VWDE: variants seen among roughly 807,000 people sequenced by gnomAD.
VWDE encodes von Willebrand factor D and EGF domains.
Under a neutral mutation model 178.4 loss-of-function variants are expected in VWDE, and 207 were observed. The observed-to-expected ratio is 1.16, with a 90% confidence interval of 1.04 to 1.30. The LOEUF is 1.30. Among genes scored for constraint, VWDE ranks in the 50% most tolerant of loss-of-function variants. The pLI is 0.00. For synonymous variants in VWDE, 738 were observed against 651.4 expected (o/e 1.13, Z -2.02); for missense variants, 2,287 against 1,901.3 (o/e 1.20, Z -3.77).
Position 12,356,250 on chromosome 7 carries a change from G to C in VWDE, c.3606C>G (p.Tyr1202Ter). 6.4e-7 allele frequency: 1 copy of C among 1,551,302 alleles called. No homozygotes were observed. The highest frequency in any genetic ancestry group is 1.4e-5 in the African/African-American group (1 of 73,002). The change falls in exon 18 of 29, where the codon TAC becomes TAG. Residue 1202 changes from tyrosine to a stop codon, truncating the protein, a stop_gained. Coordinates refer to ENST00000275358, the MANE Select transcript of VWDE (RefSeq NM_001135924.3). LOFTEE classifies it high-confidence loss of function. ...DRNFSPGSGV[Y>*]LCVCLPGFHG... The stretch of plus-strand genomic sequence containing the variant: ...GGAAGCCAGGCAAGCAGACACACAG[G>C]TACACTCCACTCCCTGGAGAAAAGT...
chr7:12,333,704 A>G, intron 27 of VWDE, 136 bp from the exon 28 acceptor site: 1 of 625,488 alleles, frequency 1.6e-6, no homozygotes. Flanking sequence ...ACCATCAATG[A>G]ATGGATCTAA....
At position 12,341,359 on chromosome 7, in the gene VWDE, C is replaced by T. The variant is rs112192989; in HGVS notation, c.4270+700G>A. ...GCCAAAGAAACAAGCTTACGCCGGG[C>T]GCAGTGGCTCACGCTTGTAATCCCA... On this transcript the variant is annotated intron_variant, in intron 23 of 28. Coordinates refer to ENST00000275358, the MANE Select transcript of VWDE (RefSeq NM_001135924.3). Among the ~76,000 whole-genome samples, 559 of 152,218 alleles carry T rather than the reference C, an allele frequency of 3.7e-3. 2 individuals are homozygous for T. The highest frequency in any genetic ancestry group is 0.013 in the African/African-American group (533 of 41,536).
intron 18 of VWDE, chr7:12,354,410 C>A (rs1318424604): frequency 4.5e-6 from 2 of 443,548 alleles, no homozygotes; most frequent in Admixed American, 4.9e-5. Context: ...TGATAGGAAC[C>A]AAAGGTATTC....
chr7:12,365,695 T>C (rs185981210), intron 13 of VWDE, among the ~76,000 whole-genome samples: 11 of 152,138 alleles, frequency 7.2e-5, no homozygotes, highest in Admixed American at 7.2e-4. Flanking sequence ...CCTAAAATAG[T>C]GGCACATTAA....
intron 4 of VWDE, 83 bp from the exon 5 acceptor site, chr7:12,380,816 C>G: frequency 6.9e-7 from 1 of 1,454,352 alleles, no homozygotes; most frequent in South Asian, 1.4e-5. Context: ...AAGACTATAA[C>G]TCTGTGGTTT....
intron 24 of VWDE, 67 bp from the exon 25 acceptor site, chr7:12,337,339 T>G: frequency 7.6e-7 from 1 of 1,312,772 alleles, no homozygotes; most frequent in South Asian, 1.3e-5. Flanking sequence ...ATACATTGCA[T>G]CATGTGCTTG....
intron 27 of VWDE, among the ~76,000 whole-genome samples, chr7:12,334,295 A>C (rs995076107): frequency 2.6e-5 from 4 of 152,210 alleles, no homozygotes; most frequent in African/African-American, 9.6e-5. Flanking sequence ...TTTTTAAACA[A>C]CATAAATTCT....
Position 12,370,848 on chromosome 7 carries a change from C to T in VWDE, c.1604G>A (p.Gly535Glu). ...GRKVTIWFSS[G>E]AFIRADLGEW... ...ACCAAGATCAGCACGGATAAATGCC[C>T]CAGAAGAAAACCAGATCTGAAAAAC... The change falls in exon 11 of 29, where the codon GGG becomes GAG. Residue 535 changes from glycine to glutamate, a missense_variant. Transcript: ENST00000275358. 6.6e-7 allele frequency: 1 copy of T among 1,526,482 alleles called. No homozygotes were observed. Among genetic ancestry groups the T allele is most frequent in the Non-Finnish European group, 8.8e-7 (1 of 1,137,276 alleles). 94.6% of individuals were successfully genotyped at this position (1,526,482 alleles called of 1,614,324 possible).
intron 2 of VWDE, among the ~76,000 whole-genome samples, chr7:12,390,164 C>CA (rs200320227): frequency 0.19 from 19,627 of 105,478 alleles, 1,472 homozygotes; most frequent in South Asian, 0.33. Context: ...GACTCCATCT[C>CA]AAAAAAAAAA....
At chr7:12,360,310 T>C (rs1424788631) in intron 15 of VWDE, among the ~76,000 whole-genome samples, 1 of 152,108 alleles carries the variant, frequency 6.6e-6, no homozygotes, top group African/African-American at 2.4e-5. Context: ...TCTCCTTTAA[T>C]ATCACTTGGA....
chr7:12,403,433 A>C (rs1184135666), intron 1 of VWDE, among the ~76,000 whole-genome samples: 2 of 152,254 alleles, frequency 1.3e-5, no homozygotes, highest in African/African-American at 2.4e-5. Flanking sequence ...AAGAGGAGGC[A>C]ACAACCGCAT....
At chr7:12,348,160 A>T (rs1781717051) in intron 19 of VWDE, among the ~76,000 whole-genome samples, 4 of 148,976 alleles carry the variant, frequency 2.7e-5, no homozygotes, top group Admixed American at 6.7e-5. Context: ...GGACACAGGC[A>T]TGGGCAAGGA....
At chr7:12,384,564 G>A (rs943396963) in intron 3 of VWDE, among the ~76,000 whole-genome samples, 1 of 152,064 alleles carries the variant, frequency 6.6e-6, no homozygotes, top group African/African-American at 2.4e-5. Context: ...GGTGGGGGAC[G>A]TCGACAATGG....
intron 27 of VWDE, among the ~76,000 whole-genome samples, chr7:12,335,111 A>C (rs1334449232): frequency 6.6e-6 from 1 of 152,194 alleles, no homozygotes; most frequent in African/African-American, 2.4e-5. Context: ...TGGAGGGTAC[A>C]TTATTTCTAG....
At chr7:12,340,480 A>G in intron 23 of VWDE, 63 bp from the exon 24 acceptor site, 1 of 1,201,498 alleles carries the variant, frequency 8.3e-7, no homozygotes, top group African/African-American at 1.5e-5. Context: ...TGAAAGCTGC[A>G]CAGAAGTGCA....
rs780817888 is a variant in VWDE at position 12,357,323 on chromosome 7, TGG to T, written c.3465_3466del (p.Gln1156ThrfsTer7). On this transcript the variant is annotated frameshift_variant, in exon 17 of 29. Coordinates refer to ENST00000275358, the MANE Select transcript of VWDE (RefSeq NM_001135924.3). LOFTEE classifies it high-confidence loss of function. ...ATCATTAAGGCGTACAGTAATTTGT[TGG>T]GTAGTTAGTAAATCTGTTTTCCACA... is the stretch of plus-strand genomic sequence containing the variant. The T allele has an allele frequency of 1.3e-6, 2 of 1,552,228 alleles. No homozygotes were observed. The highest frequency in any genetic ancestry group is 2.7e-5 in the African/African-American group (2 of 73,176).
rs1562485075 is a variant in VWDE at position 12,361,182 on chromosome 7, A to C, written c.3124T>G (p.Cys1042Gly). 6.5e-7 allele frequency: 1 copy of C among 1,546,598 alleles called. No homozygotes were observed. Among genetic ancestry groups the C allele is most frequent in the Non-Finnish European group, 8.7e-7 (1 of 1,142,868 alleles). The change falls in exon 15 of 29, where the codon TGT becomes GGT. Residue 1042 changes from cysteine (C) to glycine (G), a missense_variant. By Grantham distance (159) the Cys-to-Gly change is radical (BLOSUM62 -3). Transcript: ENST00000275358. Reference protein sequence around the residue: ...TVIYDGACQVCGLYKNDSCTI... With the variant: ...TVIYDGACQVGGLYKNDSCTI... ...CATGAGTCATTTTTATAGAGACCAC[A>C]AACTTGGCAAGCACCATCATATATG... is the stretch of plus-strand genomic sequence containing the variant.
At chr7:12,362,960 C>G (rs7796884) in intron 13 of VWDE, among the ~76,000 whole-genome samples, 1 of 151,850 alleles carries the variant, frequency 6.6e-6, no homozygotes, top group Admixed American at 6.6e-5. Flanking sequence ...AGAGATTATT[C>G]CCAACTTTCT....
chr7:12,381,910 T>A (rs1320592661), intron 4 of VWDE, among the ~76,000 whole-genome samples: 1 of 151,940 alleles, frequency 6.6e-6, no homozygotes, highest in East Asian at 1.9e-4. Flanking sequence ...GAATCAATAC[T>A]TTAAATTGAG....
Sources: allele counts gnomAD v4.1 joint callset (sites outside exome capture counted in the v4.1 genomes callset), GRCh38; gene constraint gnomAD v4.1.1; transcripts MANE v1.5; gene names NCBI Gene and HGNC (gene_info 2026-07-23, HGNC 2026-07-21).